The following HPCAL1 variants were observed in gnomAD, a reference collection of about 807,000 sequenced individuals.
The protein encoded by HPCAL1 is hippocalcin like 1.
HPCAL1 carries 8 observed loss-of-function variants against 17.1 expected under a neutral mutation model. That is an observed-to-expected ratio of 0.47 (90% CI 0.27 to 0.84). The LOEUF is 0.84. Among genes scored for constraint, HPCAL1 ranks in the 40% least tolerant of loss-of-function variants. HPCAL1 has a pLI of 0.13. For missense variants in HPCAL1, 165 were observed against 271.1 expected (o/e 0.61, Z 2.75); for synonymous variants, 112 against 111.4 (o/e 1.01, Z -0.03).
At chr2:10,425,980 GT>G (rs1488833789) in intron 4 of HPCAL1, 1 of 152,250 alleles carries the variant, frequency 6.6e-6, no homozygotes, top group African/African-American at 2.4e-5. Context: ...AGTGACCACA[GT>G]GTGAGCTCAT....
chr2:10,410,672 G>C (rs1308542880), intron 2 of HPCAL1, among the ~76,000 whole-genome samples: 5 of 151,922 alleles, frequency 3.3e-5, no homozygotes. Context: ...CTCTCAAATA[G>C]ACTGCCCTCC....
chr2:10,427,151 G>T lies in HPCAL1; in HGVS notation c.*330G>T, dbSNP rs1425037600. ...AGGAGACCAGGCAGGACCTCCCGAGGCTGCGCCCCGGCCGGCCCATGCGTT... is the reference window on the plus strand; with the variant it reads ...AGGAGACCAGGCAGGACCTCCCGAGTCTGCGCCCCGGCCGGCCCATGCGTT... On this transcript the variant is annotated 3_prime_UTR_variant, in exon 5 of 5. Transcript: ENST00000307845. The T allele has an allele frequency of 3.5e-6, 1 of 284,492 alleles. No homozygotes were observed. The highest frequency in any genetic ancestry group is 2.2e-5 in the African/African-American group (1 of 45,906). 17.6% of individuals were successfully genotyped at this position (284,492 alleles called of 1,614,324 possible). A position where few individuals can be genotyped will look rare whatever the true frequency, so the allele number is the denominator to read the frequency against.
chr2:10,414,155 G>A (rs956561682), intron 2 of HPCAL1, among the ~76,000 whole-genome samples: 1 of 152,266 alleles, frequency 6.6e-6, no homozygotes, highest in Non-Finnish European at 1.5e-5. Context: ...GGGCCCCACA[G>A]GCCATGGTTG....
At position 10,363,539 on chromosome 2, in the gene HPCAL1, A is replaced by G. The variant is rs2125493392; in HGVS notation, c.-110-33296A>G. 6.6e-6 allele frequency among the ~76,000 whole-genome samples: 1 copy of G among 152,268 alleles called. No homozygotes were observed. Among genetic ancestry groups the G allele is most frequent in the Non-Finnish European group, 1.5e-5 (1 of 68,024 alleles). On this transcript the variant is annotated intron_variant, in intron 1 of 4. Transcript: ENST00000307845. The surrounding 1 kb of genome is among the most constrained non-coding windows in gnomAD (Gnocchi z 4.7). ...CGTGGCGTTTCAGGTCTGGAGAGTC[A>G]TGTGGTGTAGCTGTATTTCTGGGAA... is the stretch of plus-strand genomic sequence containing the variant.
intron 1 of HPCAL1, among the ~76,000 whole-genome samples, chr2:10,356,799 A>C (rs1666188134): frequency 6.6e-6 from 1 of 152,050 alleles, no homozygotes. Flanking sequence ...CCCTCCCTCC[A>C]GGTGGACCCA....
At position 10,394,235 on chromosome 2, in the gene HPCAL1, C is replaced by T. The variant is rs190787313; in HGVS notation, c.-110-2600C>T. On this transcript the variant is annotated intron_variant, in intron 1 of 4. Coordinates refer to ENST00000307845, the MANE Select transcript of HPCAL1 (RefSeq NM_002149.4). This position sits in a 1 kb window ranked among gnomAD's most constrained non-coding sequence, Gnocchi z 5.0. ...CACACCCCATTTAGCCGAGTGTCAC[C>T]TGAGCTGGTGTCCCGGAGTCTCTTT... Among the ~76,000 whole-genome samples the T allele has an allele frequency of 6.6e-6, 1 of 152,150 alleles. No homozygotes were observed. Among genetic ancestry groups the T allele is most frequent in the African/African-American group, 2.4e-5 (1 of 41,426 alleles).
At position 10,342,366 on chromosome 2, in the gene HPCAL1, C is replaced by T. The variant is rs572502546; in HGVS notation, c.-111+39189C>T. On this transcript the variant is annotated intron_variant, in intron 1 of 4. Transcript: ENST00000307845. The surrounding 1 kb of genome is among the most constrained non-coding windows in gnomAD (Gnocchi z 4.1). ...TTGTGGAAGTGTCCCTGGAATGCCA[C>T]AGCCCTGCTTCTGTGCGAGGCCAGT... 6.6e-6 allele frequency among the ~76,000 whole-genome samples: 1 copy of T among 152,312 alleles called. No individual in the cohort carries two copies. The highest frequency in any genetic ancestry group is 2.1e-4 in the South Asian group (1 of 4,826).
chr2:10,393,377 C>G (rs929499722), intron 1 of HPCAL1, among the ~76,000 whole-genome samples: 3 of 152,222 alleles, frequency 2.0e-5, no homozygotes, highest in African/African-American at 7.2e-5. Flanking sequence ...AGCAGACCCC[C>G]TTCCTGCTAG....
At chr2:10,410,218 G>A (rs1484619845) in intron 2 of HPCAL1, among the ~76,000 whole-genome samples, 1 of 152,180 alleles carries the variant, frequency 6.6e-6, no homozygotes, top group East Asian at 1.9e-4. Context: ...GGAGCAATGG[G>A]ATGAGATGCC....
chr2:10,314,966 T>A (rs1370671086), intron 1 of HPCAL1, among the ~76,000 whole-genome samples: 1 of 152,122 alleles, frequency 6.6e-6, no homozygotes, highest in East Asian at 1.9e-4. Context: ...GTTTAAACAT[T>A]TTTCCCAAAT....
In HPCAL1 at chr2:10,330,540, C is replaced by T. The variant is rs1353964740; in HGVS notation, c.-111+27363C>T. ...CAGGGTGGCGGCAGGGTTGGTGTCA[C>T]CCGAGGCCTCTCTCCTCGGCTCCGT... is the stretch of plus-strand genomic sequence containing the variant. On this transcript the variant is annotated intron_variant, in intron 1 of 4. Coordinates refer to ENST00000307845, the MANE Select transcript of HPCAL1 (RefSeq NM_002149.4). This position sits in a 1 kb window ranked among gnomAD's most constrained non-coding sequence, Gnocchi z 4.2. 6.6e-6 allele frequency among the ~76,000 whole-genome samples: 1 copy of T among 152,082 alleles called. No homozygotes were observed. Among genetic ancestry groups the T allele is most frequent in the Non-Finnish European group, 1.5e-5 (1 of 68,016 alleles).
At chr2:10,308,350 G>A (rs1376442702) in intron 1 of HPCAL1, among the ~76,000 whole-genome samples, 3 of 152,188 alleles carry the variant, frequency 2.0e-5, no homozygotes, top group African/African-American at 7.2e-5. Context: ...AGAGTTCATA[G>A]CCATTACCAC....
At chr2:10,374,500 G>A (rs963490144) in intron 1 of HPCAL1, among the ~76,000 whole-genome samples, 3 of 152,248 alleles carry the variant, frequency 2.0e-5, no homozygotes, top group African/African-American at 4.8e-5. Context: ...CAAGGAGACC[G>A]AGCCTGCCTG....
At chr2:10,366,306 T>G (rs543539213) in intron 1 of HPCAL1, among the ~76,000 whole-genome samples, 2 of 152,258 alleles carry the variant, frequency 1.3e-5, no homozygotes, top group South Asian at 2.1e-4. Context: ...TGCGATCTCG[T>G]CTCACTGCAA....
At chr2:10,412,538 AGT>A in intron 2 of HPCAL1, among the ~76,000 whole-genome samples, 1 of 152,344 alleles carries the variant, frequency 6.6e-6, no homozygotes, top group Admixed American at 6.5e-5. Context: ...TCAGGCCAGA[AGT>A]GTGGTCATCA....
Position 10,401,933 on chromosome 2 carries a change from C to T in HPCAL1, c.-25+5013C>T, listed in dbSNP as rs188184371. Among the ~76,000 whole-genome samples, 324 of 152,292 alleles carry T rather than the reference C, an allele frequency of 2.1e-3. 2 individuals are homozygous for T. Among genetic ancestry groups the T allele is most frequent in the African/African-American group, 7.4e-3 (307 of 41,556 alleles). The stretch of plus-strand genomic sequence containing the variant: ...GTTTTTGTTTTTTGAGACAGTCTCG[C>T]TGTGTCTCCCAGGCTGGAGTGCAGT... On this transcript the variant is annotated intron_variant, in intron 2 of 4. Transcript: ENST00000307845.
At chr2:10,399,591 G>GCCACCA (rs914368591) in intron 2 of HPCAL1, among the ~76,000 whole-genome samples, 1 of 97,566 alleles carries the variant, frequency 1.0e-5, no homozygotes, top group South Asian at 4.0e-4. Context: ...CACCGCCACC[G>GCCACCA]CCACCACCAC....
At chr2:10,328,278 G>A (rs1558460547) in intron 1 of HPCAL1, among the ~76,000 whole-genome samples, 2 of 152,342 alleles carry the variant, frequency 1.3e-5, no homozygotes, top group South Asian at 2.1e-4. Flanking sequence ...TTACATTGGC[G>A]CTCAGATGCA....
intron 2 of HPCAL1, among the ~76,000 whole-genome samples, chr2:10,400,827 TCTGCC>T (rs1669561102): frequency 1.3e-5 from 2 of 152,286 alleles, no homozygotes; most frequent in African/African-American, 4.8e-5. Context: ...GGCATTCTCA[TCTGCC>T]CTGGAATTGG....
Sources: allele counts gnomAD v4.1 joint callset (sites outside exome capture counted in the v4.1 genomes callset), GRCh38; gene constraint gnomAD v4.1.1; non-coding constraint Gnocchi (gnomAD v3.1); transcripts MANE v1.5; gene names NCBI Gene and HGNC (gene_info 2026-07-23, HGNC 2026-07-21).